The following ASXL3 variants were observed in gnomAD, a reference collection of about 807,000 sequenced individuals.
ASXL3 encodes ASXL transcriptional regulator 3.
In ASXL3, 34 loss-of-function variants were observed where a neutral mutation model predicts 170.6. The ratio of observed to expected loss-of-function variants is 0.20; its 90% CI spans 0.15 to 0.27. The LOEUF (loss-of-function observed/expected upper bound fraction) is 0.27, where lower values mean the gene tolerates loss of function less well. Ranked by LOEUF, ASXL3 falls within the 10% of genes least tolerant of loss-of-function variation. ASXL3 has a pLI of 1.00. For missense variants in ASXL3, 2,592 were observed against 2,695.3 expected (o/e 0.96, Z 0.85); for synonymous variants, 1,002 against 989.1 (o/e 1.01, Z -0.24).
In ASXL3 at chr18:33,746,250, T is replaced by A. The variant is rs972819777; in HGVS notation, c.6402T>A (p.Phe2134Leu). Residue 2134 changes from phenylalanine to leucine, a missense_variant, in exon 12 of 12, where the codon TTT (phenylalanine) becomes TTA (leucine). Transcript: ENST00000269197. ...SYLLSEPQKPFTQLAAQKMQV... is the reference protein window; with the variant it reads ...SYLLSEPQKPLTQLAAQKMQV... ...TGCTTTCTGAGCCACAAAAGCCTTT[T>A]ACCCAATTAGCTGCTCAGAAAATGC... 2 of 1,613,868 alleles carry A rather than the reference T, an allele frequency of 1.2e-6. No homozygotes were observed. Among genetic ancestry groups the A allele is most frequent in the African/African-American group, 2.7e-5 (2 of 74,922 alleles).
chr18:33,613,334 T>C (rs1250165101), intron 2 of ASXL3, among the ~76,000 whole-genome samples: 1 of 152,102 alleles, frequency 6.6e-6, no homozygotes, highest in Non-Finnish European at 1.5e-5. Flanking sequence ...TATCTTCTTA[T>C]CTGGTTATCT....
At chr18:33,696,495 A>G (rs2066774976) in intron 8 of ASXL3, among the ~76,000 whole-genome samples, 1 of 152,054 alleles carries the variant, frequency 6.6e-6, no homozygotes, top group Non-Finnish European at 1.5e-5. Flanking sequence ...AGCTGTGAGG[A>G]GTTTCTGCAG....
At chr18:33,688,862 G>A (rs903499887) in intron 8 of ASXL3, among the ~76,000 whole-genome samples, 2 of 152,072 alleles carry the variant, frequency 1.3e-5, no homozygotes, top group African/African-American at 4.8e-5. Context: ...GCCCTCCATC[G>A]TCTTTTGAAA....
intron 2 of ASXL3, among the ~76,000 whole-genome samples, chr18:33,618,440 G>A: frequency 6.6e-6 from 1 of 152,016 alleles, no homozygotes; most frequent in East Asian, 1.9e-4. Context: ...TCAAATTAGA[G>A]GAACATCACA....
intron 8 of ASXL3, among the ~76,000 whole-genome samples, chr18:33,695,813 A>T (rs1483878882): frequency 6.6e-6 from 1 of 152,152 alleles, no homozygotes; most frequent in Non-Finnish European, 1.5e-5. Context: ...TTGTCCATGT[A>T]TAATCCACTA....
At chr18:33,708,335 T>TA (rs995264892) in intron 8 of ASXL3, among the ~76,000 whole-genome samples, 36 of 152,114 alleles carry the variant, frequency 2.4e-4, no homozygotes, top group Admixed American at 7.9e-4. Context: ...TTTCTGGGAA[T>TA]AAAAAAATTA....
chr18:33,744,074 C>T lies in ASXL3; in HGVS notation c.4226C>T (p.Ala1409Val). The T allele has an allele frequency of 6.2e-7, 1 of 1,614,026 alleles. No individual in the cohort carries two copies. The highest frequency in any genetic ancestry group is 2.2e-5 in the East Asian group (1 of 44,878). ...DSVAVTDSLV[A>V]HPTVAMFTGN... ...GTAGCGGTCACAGACTCTCTGGTTG[C>T]ACACCCGACCGTCGCAATGTTTACT... is the stretch of plus-strand genomic sequence containing the variant. The change falls in exon 12 of 12, where the codon GCA (alanine) becomes GTA (valine). Residue 1409 changes from alanine (A) to valine (V), a missense_variant. Ala to Val is a moderately conservative substitution (Grantham distance 64). This residue lies in a region of ASXL3 where 2,246 missense variants were observed against 2,219.6 expected (regional missense o/e 1.01). Coordinates refer to ENST00000269197, the MANE Select transcript of ASXL3 (RefSeq NM_030632.3).
intron 7 of ASXL3, among the ~76,000 whole-genome samples, chr18:33,675,267 A>G (rs925971797): frequency 2.0e-5 from 3 of 152,174 alleles, no homozygotes; most frequent in African/African-American, 7.2e-5. Context: ...TTCTTTGCAT[A>G]CCAGCATGTA....
chr18:33,661,527 C>T, intron 4 of ASXL3, 89 bp from the exon 5 acceptor site: 1 of 1,297,954 alleles, frequency 7.7e-7, no homozygotes, highest in Non-Finnish European at 1.1e-6. Context: ...TATCCATTTT[C>T]AATTGCAGAA....
intron 2 of ASXL3, among the ~76,000 whole-genome samples, chr18:33,618,957 T>C (rs954816523): frequency 3.3e-5 from 5 of 152,142 alleles, no homozygotes; most frequent in Admixed American, 6.6e-5. Flanking sequence ...GTGTTTTATA[T>C]AGTATGTCAA....
chr18:33,649,808 A>G (rs2065969880), intron 4 of ASXL3, among the ~76,000 whole-genome samples: 1 of 152,152 alleles, frequency 6.6e-6, no homozygotes, highest in Non-Finnish European at 1.5e-5. Context: ...GGTGTTCTGA[A>G]GGAAATGAGT....
intron 2 of ASXL3, among the ~76,000 whole-genome samples, chr18:33,629,965 T>C (rs1201943459): frequency 6.6e-6 from 1 of 152,056 alleles, no homozygotes; most frequent in African/African-American, 2.4e-5. Context: ...TTACTGGTTT[T>C]AATGTACGGA....
At chr18:33,701,865 A>G (rs1165683636) in intron 8 of ASXL3, among the ~76,000 whole-genome samples, 1 of 152,054 alleles carries the variant, frequency 6.6e-6, no homozygotes, top group African/African-American at 2.4e-5. Context: ...TGTGCGCCAC[A>G]TATCTATGAT....
rs2064962925 is a variant in ASXL3, at chr18:33,578,459, CCGCCG to C, written c.-171_-167del. The stretch of plus-strand genomic sequence containing the variant: ...CACCCCCTCGCTCCATCCCTCCCAC[CCGCCG>C]CCGCCGCCGCCGCCGCCGCCGCCGC... On this transcript the variant is annotated 5_prime_UTR_variant, in exon 1 of 12. Coordinates refer to ENST00000269197, the MANE Select transcript of ASXL3 (RefSeq NM_030632.3). 1 of 11,498 alleles carries C rather than the reference CCGCCG, an allele frequency of 8.7e-5. No individual in the cohort carries two copies. Among genetic ancestry groups the C allele is most frequent in the African/African-American group, 4.8e-4 (1 of 2,066 alleles). The allele number at this position is 11,498 out of a possible 1,614,324, so 0.7% of individuals were successfully genotyped here. A position where few individuals can be genotyped will look rare whatever the true frequency, so the allele number is the denominator to read the frequency against.
At chr18:33,652,787 G>A (rs907192446) in intron 4 of ASXL3, among the ~76,000 whole-genome samples, 5 of 151,926 alleles carry the variant, frequency 3.3e-5, no homozygotes, top group South Asian at 2.1e-4. Flanking sequence ...ACGTTACTCA[G>A]CTCACTCTTT....
chr18:33,594,007 C>G (rs909569712), intron 1 of ASXL3, among the ~76,000 whole-genome samples: 6 of 152,160 alleles, frequency 3.9e-5, no homozygotes, highest in African/African-American at 1.2e-4. Flanking sequence ...TATATGTCCT[C>G]CATACCTGAT....
chr18:33,726,882 T>A (rs1277000208), intron 8 of ASXL3, among the ~76,000 whole-genome samples: 1 of 152,132 alleles, frequency 6.6e-6, no homozygotes, highest in Non-Finnish European at 1.5e-5. Flanking sequence ...TCCTCTTCCT[T>A]CCACTTTCTG....
chr18:33,749,192 G>C lies in ASXL3; in HGVS notation c.*2597G>C, dbSNP rs1241871204. The C allele has an allele frequency of 6.6e-6, 1 of 150,962 alleles. No homozygotes were observed. Among genetic ancestry groups the C allele is most frequent in the Non-Finnish European group, 1.5e-5 (1 of 67,918 alleles). The allele number at this position is 150,962 out of a possible 1,614,324, so 9.4% of individuals were successfully genotyped here. ...AAGGGAAAGGAAGAAGAGAAATTTA[G>C]ATGTAAAATGTGGGTCAGATATTTT... On this transcript the variant is annotated 3_prime_UTR_variant, in exon 12 of 12. Coordinates refer to ENST00000269197, the MANE Select transcript of ASXL3 (RefSeq NM_030632.3).
chr18:33,634,877 C>T (rs574985698), intron 2 of ASXL3, among the ~76,000 whole-genome samples: 1 of 152,250 alleles, frequency 6.6e-6, no homozygotes, highest in South Asian at 2.1e-4. Context: ...TCAGGGTCCT[C>T]AAGGAGCTAG....
Sources: gnomAD v4.1 joint callset for allele counts (sites outside exome capture counted in the v4.1 genomes callset) on GRCh38, gnomAD v4.1.1 for gene constraint, gnomAD v4.1.1 regional missense constraint, MANE v1.5 for transcripts, NCBI Gene and HGNC (gene_info 2026-07-23, HGNC 2026-07-21) for gene names.